UBE2C: variants seen among roughly 807,000 people sequenced by gnomAD.
UBE2C encodes ubiquitin-conjugating enzyme E2 C.
UBE2C carries 16 observed loss-of-function variants against 23.5 expected under a neutral mutation model. The ratio of observed to expected loss-of-function variants is 0.68; its 90% confidence interval spans 0.46 to 1.03. The LOEUF (loss-of-function observed/expected upper bound fraction) is 1.03, where lower values mean the gene tolerates loss of function less well. UBE2C is among the 50% of genes least tolerant of loss of function. The pLI is 0.00. For synonymous variants in UBE2C, 76 were observed against 91.6 expected, an observed-to-expected ratio of 0.83 and a Z score of 0.97; for missense variants, 192 against 227.6, an observed-to-expected ratio of 0.84 and a Z score of 1.01.
At chr20:45,813,644 C>A (rs986881514) in intron 2 of UBE2C, among the ~76,000 whole-genome samples, 180 bp downstream of exon 2, 1 of 151,426 alleles carries the variant, frequency 6.6e-6, no homozygotes, top group Non-Finnish European at 1.5e-5. Context: ...TCCATCCCCC[C>A]ACACGAAGTT....
rs3080107 is a variant in UBE2C at position 45,814,271 on chromosome 20, CATATATAT to C, written c.130-91_130-84del. On this transcript the variant is annotated intron_variant, in intron 2 of 5. Coordinates refer to ENST00000356455, the MANE Select transcript of UBE2C (RefSeq NM_007019.4). Reference sequence around the variant, plus strand: ...ATATATGTGTGTGTGTGTATGTGAGCATATATATATATATATATATATATATATAAAAT... The same window carrying C: ...ATATATGTGTGTGTGTGTATGTGAGCATATATATATATATATATATAAAAT... 5.4e-4 allele frequency: 210 copies of C among 391,360 alleles called. 2 individuals are homozygous for C. Among genetic ancestry groups the C allele is most frequent in the Admixed American group, 2.4e-3 (64 of 26,408 alleles). The allele number at this position is 391,360 out of a possible 1,614,324, so 24.2% of individuals were successfully genotyped here.
chr20:45,813,361 C>A (rs1982111522), intron 1 of UBE2C, 76 bp from the exon 2 acceptor site: 4 of 1,612,246 alleles, frequency 2.5e-6, no homozygotes, highest in Non-Finnish European at 3.4e-6. Flanking sequence ...CCCTGAGATT[C>A]AGGTGGGAGA....
intron 5 of UBE2C, 91 bp from the exon 6 acceptor site, chr20:45,816,618 C>T: frequency 8.1e-7 from 1 of 1,227,544 alleles, no homozygotes; most frequent in Non-Finnish European, 1.2e-6. Context: ...GCTTGGTCAA[C>T]AGAGTGAGAC....
At chr20:45,814,674 T>C (rs1982318601) in intron 3 of UBE2C, among the ~76,000 whole-genome samples, 1 of 152,136 alleles carries the variant, frequency 6.6e-6, no homozygotes, top group Non-Finnish European at 1.5e-5. Context: ...GATGTTTACA[T>C]GGGGGGACAG....
In UBE2C at chr20:45,813,317, C is replaced by A. The variant is rs555377255; in HGVS notation, c.102-120C>A. ...TGAGTATACCCTGAGCTGAGCCTGA[C>A]CTTGGTGATGTGGGGAGCCTCCATG... On this transcript the variant is annotated intron_variant, in intron 1 of 5. Coordinates refer to ENST00000356455, the MANE Select transcript of UBE2C (RefSeq NM_007019.4). 2.4e-5 allele frequency: 38 copies of A among 1,595,568 alleles called. No individual in the cohort carries two copies. The African/African-American group carries it at 5.1e-4, about 22-fold the overall frequency.
chr20:45,812,711 C>A lies in UBE2C; in HGVS notation c.16C>A (p.Arg6Ser), dbSNP rs561525053. The A allele has an allele frequency of 2.5e-5, 39 of 1,551,278 alleles. No individual in the cohort carries two copies. Among genetic ancestry groups the A allele is most frequent in the Middle Eastern group, 1.7e-4 (1 of 5,998 alleles). Residue 6 changes from arginine (R) to serine (S), a missense_variant, in exon 1 of 6, where the codon CGC becomes AGC. Coordinates refer to ENST00000356455, the MANE Select transcript of UBE2C (RefSeq NM_007019.4). MASQNRDPAATSVAAA... is the reference protein window; with the variant it reads MASQNSDPAATSVAAA... ...CGCCGCCCGGATGGCTTCCCAAAAC[C>A]GCGACCCAGCCGCCACTAGCGTCGC...
intron 5 of UBE2C, among the ~76,000 whole-genome samples, 175 bp downstream of exon 5, chr20:45,816,088 T>C (rs1378037677): frequency 2.0e-5 from 3 of 152,228 alleles, no homozygotes; most frequent in Admixed American, 2.0e-4. Flanking sequence ...ATAGCAATTG[T>C]TTTATAGCAG....
At chr20:45,814,677 G>A (rs999327285) in intron 3 of UBE2C, among the ~76,000 whole-genome samples, 145 of 152,288 alleles carry the variant, frequency 9.5e-4, no homozygotes, top group African/African-American at 3.0e-3. Flanking sequence ...GTTTACATGG[G>A]GGGACAGACA....
chr20:45,816,868 G>T lies in UBE2C; in HGVS notation c.*101G>T. On this transcript the variant is annotated 3_prime_UTR_variant, in exon 6 of 6. Coordinates refer to ENST00000356455, the MANE Select transcript of UBE2C (RefSeq NM_007019.4). Reference sequence around the variant, plus strand: ...TATAGGACTCTTTATCTTGAGCTGTGGTATTTTTGTTTTGTTTTTGTCTTT... The same window carrying T: ...TATAGGACTCTTTATCTTGAGCTGTTGTATTTTTGTTTTGTTTTTGTCTTT... 2.9e-6 allele frequency: 3 copies of T among 1,029,478 alleles called. No homozygotes were observed. Among genetic ancestry groups the T allele is most frequent in the South Asian group, 1.6e-5 (1 of 60,640 alleles). 63.8% of individuals were successfully genotyped at this position (1,029,478 alleles called of 1,614,324 possible). A position where few individuals can be genotyped will look rare whatever the true frequency, so the allele number is the denominator to read the frequency against.
At chr20:45,815,971 TCAAA>T in intron 5 of UBE2C, 58 bp downstream of exon 5, 1 of 1,586,888 alleles carries the variant, frequency 6.3e-7, no homozygotes, top group Non-Finnish European at 8.6e-7. Context: ...AAAGGCTCCC[TCAAA>T]CAAAAGGAGC....
chr20:45,815,248 G>T, intron 3 of UBE2C: 2 of 760,038 alleles, frequency 2.6e-6, no homozygotes, highest in Non-Finnish European at 2.1e-6. Context: ...GCTAGGCATA[G>T]TGGCTCACAC....
intron 5 of UBE2C, 97 bp downstream of exon 5, chr20:45,816,010 T>C: frequency 7.3e-7 from 1 of 1,362,518 alleles, no homozygotes; most frequent in Non-Finnish European, 1.0e-6. Flanking sequence ...CCGGGTTGGT[T>C]GGGGCAGGGT....
chr20:45,812,968 G>A, intron 1 of UBE2C, 172 bp downstream of exon 1: 1 of 1,431,752 alleles, frequency 7.0e-7, no homozygotes, highest in Non-Finnish European at 9.1e-7. Context: ...CATGGGTGTC[G>A]AGGGCGGAGA....
At chr20:45,813,583 A>C (rs1982142110) in intron 2 of UBE2C, 119 bp downstream of exon 2, 1 of 1,294,790 alleles carries the variant, frequency 7.7e-7, no homozygotes, top group African/African-American at 1.5e-5. Flanking sequence ...CTGGGAAAGA[A>C]GTTCATACAC....
At position 45,812,655 on chromosome 20, in the gene UBE2C, C is replaced by G. The variant is rs964427395; in HGVS notation, c.-41C>G. 30 of 1,547,704 alleles carry G rather than the reference C, an allele frequency of 1.9e-5. No homozygotes were observed. The highest frequency in any genetic ancestry group is 2.4e-5 in the Non-Finnish European group (27 of 1,144,270). On this transcript the variant is annotated 5_prime_UTR_variant, in exon 1 of 6. Transcript: ENST00000356455. ...GGGCCCGCAGTCCTGCAGTTGCAGT[C>G]GTGTTCTCCGAGTTCCTGTCTCTCT...
intron 2 of UBE2C, among the ~76,000 whole-genome samples, chr20:45,814,087 A>T (rs1568714367): frequency 6.7e-5 from 10 of 149,222 alleles, no homozygotes; most frequent in African/African-American, 2.0e-4. Context: ...TGGGCGACAG[A>T]GTGTGTGTGT....
intron 1 of UBE2C, chr20:45,813,221 GCCAGAATCATC>G (rs1478346573): frequency 1.4e-6 from 2 of 1,463,242 alleles, no homozygotes; most frequent in Admixed American, 5.3e-5. Context: ...TTAAGAACAT[GCCAGAATCATC>G]CCGAGGGAGT....
intron 3 of UBE2C, chr20:45,815,295 G>C: frequency 7.4e-7 from 1 of 1,352,364 alleles, no homozygotes; most frequent in African/African-American, 1.5e-5. Flanking sequence ...GAGGCAGGCA[G>C]ATCACATGAG....
intron 3 of UBE2C, 166 bp from the exon 4 acceptor site, chr20:45,815,375 A>C: frequency 1.3e-6 from 2 of 1,577,904 alleles, no homozygotes; most frequent in Non-Finnish European, 1.7e-6. Flanking sequence ...TAAACTAAAA[A>C]AACTTTTTAA....
Sources: gnomAD v4.1 joint callset for allele counts (sites outside exome capture counted in the v4.1 genomes callset) on GRCh38, gnomAD v4.1.1 for gene constraint, MANE v1.5 for transcripts, NCBI Gene and HGNC (gene_info 2026-07-23, HGNC 2026-07-21) for gene names.